DMD: variants seen among roughly 807,000 people sequenced by gnomAD.
The protein encoded by DMD is dystrophin, also known as mutant dystrophin.
DMD carries 63 observed loss-of-function variants against 330.1 expected under a neutral mutation model. The observed-to-expected ratio is 0.19, with a 90% confidence interval of 0.16 to 0.24. The LOEUF is 0.24. Among genes scored for constraint, DMD ranks in the 10% least tolerant of loss-of-function variants. The pLI, the probability that DMD is intolerant of heterozygous loss-of-function variation, is 1.00. For synonymous variants in DMD, 1,223 were observed against 959.8 expected, an observed-to-expected ratio of 1.27 and a Z score of -5.07; for missense variants, 3,344 against 2,684.1, an observed-to-expected ratio of 1.25 and a Z score of -5.43.
chrX:32,894,553 C>T (rs990981169), intron 2 of DMD, among the ~76,000 whole-genome samples: 3 of 112,584 alleles, frequency 2.7e-5, no homozygotes, highest in Non-Finnish European at 3.8e-5. Flanking sequence ...CACCTGGCAA[C>T]CTTCATCCAA....
Position 32,560,654 on chromosome X carries a change from T to A in DMD, c.1992+5048A>T, listed in dbSNP as rs771118836. Among the ~76,000 whole-genome samples, 4 of 111,559 alleles carry A rather than the reference T, an allele frequency of 3.6e-5. No homozygotes were observed. The East Asian group carries it at 8.5e-4, about 24-fold the overall frequency. On this transcript the variant is annotated intron_variant, in intron 16 of 78. Coordinates refer to ENST00000357033, the MANE Select transcript of DMD (RefSeq NM_004006.3). ...CTTCCCTGTGCCCATGTGTTCCCAT[T>A]GTTCAGCTCCTACTTATAAGTGAGA...
chrX:32,616,098 G>T (rs1371619248), intron 11 of DMD, among the ~76,000 whole-genome samples: 1 of 110,536 alleles, frequency 9.0e-6, no homozygotes, highest in East Asian at 2.9e-4. Context: ...TTAAACTGGG[G>T]TTTTTGAAAG....
At chrX:32,820,907 A>G (rs148938453) in intron 5 of DMD, among the ~76,000 whole-genome samples, 1 of 111,624 alleles carries the variant, frequency 9.0e-6, no homozygotes, top group Non-Finnish European at 1.9e-5. Context: ...CTTACATACA[A>G]TGGATTAGGG....
chrX:31,840,507 C>T (rs1404230263), intron 48 of DMD, among the ~76,000 whole-genome samples: 1 of 106,943 alleles, frequency 9.4e-6, no homozygotes, highest in Non-Finnish European at 1.9e-5. Flanking sequence ...ACAGGTATAC[C>T]TCATTTTACT....
intron 44 of DMD, among the ~76,000 whole-genome samples, chrX:32,107,500 T>C (rs2075569097): frequency 9.2e-6 from 1 of 108,836 alleles, no homozygotes; most frequent in African/African-American, 3.4e-5. Flanking sequence ...GCTGATAGTG[T>C]AGTTCCAATC....
chrX:32,885,110 T>C (rs932729824), intron 2 of DMD, among the ~76,000 whole-genome samples: 1 of 111,967 alleles, frequency 8.9e-6, no homozygotes, highest in African/African-American at 3.2e-5. Context: ...CTGATCATGA[T>C]GCTAATCTGT....
At chrX:32,573,099 G>T (rs954989222) in intron 15 of DMD, among the ~76,000 whole-genome samples, 1 of 111,137 alleles carries the variant, frequency 9.0e-6, no homozygotes, top group African/African-American at 3.3e-5. Context: ...AAGTTACCCA[G>T]TCCCAGTCTC....
At chrX:32,220,126 G>C (rs73458100) in intron 43 of DMD, among the ~76,000 whole-genome samples, 2,252 of 111,201 alleles carry the variant, frequency 0.02, 54 homozygotes, top group African/African-American at 0.069. Context: ...GAGGGAGGCA[G>C]GATGGACTTT....
In DMD at chrX:32,621,690, G is replaced by C. The variant is rs1309224952; in HGVS notation, c.1332-7237C>G. ...TTGGGGATTTTTGGGGTAGGGACCAGAATGGCTGGGTGTGTGCAAACGGGA... is the reference window on the plus strand; with the variant it reads ...TTGGGGATTTTTGGGGTAGGGACCACAATGGCTGGGTGTGTGCAAACGGGA... On this transcript the variant is annotated intron_variant, in intron 11 of 78. Transcript: ENST00000357033. 3.6e-5 allele frequency among the ~76,000 whole-genome samples: 4 copies of C among 110,322 alleles called. No individual in the cohort carries two copies. In the Admixed American group the frequency reaches 3.9e-4, roughly 11 times the overall value.
chrX:31,462,460 G>A (rs1014496676), intron 59 of DMD, among the ~76,000 whole-genome samples: 2 of 111,355 alleles, frequency 1.8e-5, no homozygotes, highest in African/African-American at 3.3e-5. Flanking sequence ...CAACAAGAGC[G>A]AAACTCCATC....
intron 1 of DMD, among the ~76,000 whole-genome samples, chrX:33,206,485 A>G (rs191965357): frequency 2.5e-4 from 28 of 111,794 alleles, no homozygotes; most frequent in African/African-American, 9.1e-4. Flanking sequence ...ACAGAGTGAA[A>G]GTGAGGCATT....
chrX:31,255,281 T>C (rs779788670), intron 63 of DMD, among the ~76,000 whole-genome samples: 40 of 111,593 alleles, frequency 3.6e-4, no homozygotes, highest in Middle Eastern at 4.6e-3. Context: ...TAACATCTAC[T>C]GATGTTGTAA....
At chrX:31,337,363 G>A (rs998792094) in intron 61 of DMD, among the ~76,000 whole-genome samples, 17 of 111,794 alleles carry the variant, frequency 1.5e-4, no homozygotes, top group African/African-American at 4.9e-4. Flanking sequence ...GATTTTTACT[G>A]CAGATATCTG....
chrX:32,921,760 G>A (rs902460343), intron 2 of DMD, among the ~76,000 whole-genome samples: 2 of 111,272 alleles, frequency 1.8e-5, no homozygotes, highest in African/African-American at 6.5e-5. Flanking sequence ...AGAGCACTTT[G>A]GGGGTCATTA....
chrX:31,899,814 G>A (rs184031274), intron 47 of DMD, among the ~76,000 whole-genome samples: 237 of 110,860 alleles, frequency 2.1e-3, no homozygotes, highest in Non-Finnish European at 3.5e-3. Context: ...TAATGGAGTC[G>A]CGATAGCTCA....
intron 13 of DMD, among the ~76,000 whole-genome samples, chrX:32,576,335 G>T (rs1332393220): frequency 9.0e-6 from 1 of 111,058 alleles, no homozygotes; most frequent in Non-Finnish European, 1.9e-5. Flanking sequence ...TATTAAGTTG[G>T]GAACCTTTTC....
At chrX:31,938,935 CTGTG>C (rs1306933405) in intron 45 of DMD, among the ~76,000 whole-genome samples, 1 of 110,781 alleles carries the variant, frequency 9.0e-6, no homozygotes, top group Non-Finnish European at 1.9e-5. Context: ...GTGTGTGTGT[CTGTG>C]TGTGTGTGTT....
At chrX:33,245,451 C>T (rs2052650872) in intron 1 of DMD, among the ~76,000 whole-genome samples, 1 of 111,851 alleles carries the variant, frequency 8.9e-6, no homozygotes, top group Non-Finnish European at 1.9e-5. Context: ...TAATCAGTCA[C>T]TAAACCTATA....
rs1277673075 is a variant in DMD at position 32,416,205 on chromosome X, C to CA, written c.4072-4293dup. ...AAAAAAATCATTTAATAATATTTTA[C>CA]AAAAAACACATTCATTAAAGGAGCT... is the stretch of plus-strand genomic sequence containing the variant. On this transcript the variant is annotated intron_variant, in intron 29 of 78. Coordinates refer to ENST00000357033, the MANE Select transcript of DMD (RefSeq NM_004006.3). 8.0e-5 allele frequency among the ~76,000 whole-genome samples: 9 copies of CA among 111,834 alleles called. No individual in the cohort carries two copies. The East Asian group carries it at 1.4e-3, about 17-fold the overall frequency.
Sources: gnomAD v4.1 joint callset for allele counts (sites outside exome capture counted in the v4.1 genomes callset) on GRCh38, gnomAD v4.1.1 for gene constraint, MANE v1.5 for transcripts, NCBI Gene and HGNC (gene_info 2026-07-23, HGNC 2026-07-21) for gene names.